PTPRD: variants seen among roughly 807,000 people sequenced by gnomAD.
PTPRD encodes the protein protein tyrosine phosphatase receptor type D, also known as receptor-type tyrosine-protein phosphatase delta.
In PTPRD, 34 loss-of-function variants were observed where a neutral mutation model predicts 214.5. That is an observed-to-expected ratio of 0.16 (90% CI 0.12 to 0.21). The LOEUF (loss-of-function observed/expected upper bound fraction) is 0.21, where lower values mean the gene tolerates loss of function less well. Among genes scored for constraint, PTPRD ranks in the 10% least tolerant of loss-of-function variants. The pLI is 1.00. For missense variants in PTPRD, 2,545 were observed against 2,398.7 expected, an observed-to-expected ratio of 1.06 and a Z score of -1.27; for synonymous variants, 1,128 against 845.7, an observed-to-expected ratio of 1.33 and a Z score of -5.79.
At chr9:9,258,300 A>G (rs1047649842) in intron 9 of PTPRD, among the ~76,000 whole-genome samples, 1 of 151,978 alleles carries the variant, frequency 6.6e-6, no homozygotes, top group Non-Finnish European at 1.5e-5. Context: ...AATACTATTA[A>G]ATTTGCAGTA....
chr9:9,765,904 C>T (rs1368443634), intron 6 of PTPRD, among the ~76,000 whole-genome samples: 4 of 152,102 alleles, frequency 2.6e-5, no homozygotes, highest in Non-Finnish European at 5.9e-5. Flanking sequence ...CCTCGTGATC[C>T]GCCCGCCTCA....
intron 4 of PTPRD, among the ~76,000 whole-genome samples, chr9:9,955,526 G>GTTTTTTTTTT (rs779657484): frequency 6.0e-5 from 8 of 134,020 alleles, no homozygotes; most frequent in Non-Finnish European, 1.2e-4. Context: ...GTTTTGTTTT[G>GTTTTTTTTTT]TTTTTTTTTT....
At chr9:10,375,929 G>T (rs1252750140) in intron 2 of PTPRD, among the ~76,000 whole-genome samples, 2 of 151,816 alleles carry the variant, frequency 1.3e-5, no homozygotes, top group Non-Finnish European at 1.5e-5. Flanking sequence ...CAAATCTGTT[G>T]CATATTAACT....
At chr9:8,670,226 T>C (rs1365897321) in intron 12 of PTPRD, among the ~76,000 whole-genome samples, 1 of 152,180 alleles carries the variant, frequency 6.6e-6, no homozygotes, top group Non-Finnish European at 1.5e-5. Flanking sequence ...CTTTAGGCAT[T>C]ATGTGGTACA....
chr9:8,434,573 GCTTA>G (rs1293361154), intron 35 of PTPRD, among the ~76,000 whole-genome samples: 4 of 152,202 alleles, frequency 2.6e-5, no homozygotes, highest in Admixed American at 1.3e-4. Context: ...TGAATTAACG[GCTTA>G]CTAACAGGTC....
intron 31 of PTPRD, among the ~76,000 whole-genome samples, chr9:8,468,358 A>G (rs2096584618): frequency 6.6e-6 from 1 of 152,000 alleles, no homozygotes; most frequent in Non-Finnish European, 1.5e-5. Flanking sequence ...CAATGCAGTG[A>G]AAAGCTCATG....
chr9:10,388,856 T>C (rs1022197727), intron 2 of PTPRD, among the ~76,000 whole-genome samples: 14 of 151,948 alleles, frequency 9.2e-5, no homozygotes, highest in African/African-American at 3.1e-4. Flanking sequence ...AGACTAGAAT[T>C]TAGTAAGCAT....
intron 8 of PTPRD, among the ~76,000 whole-genome samples, chr9:9,489,141 C>G (rs1034178224): frequency 2.0e-5 from 3 of 152,030 alleles, no homozygotes; most frequent in Non-Finnish European, 2.9e-5. Flanking sequence ...ATATGAGAAA[C>G]AGTAGGAAGT....
At chr9:8,426,268 A>AAAT (rs2094665975) in intron 35 of PTPRD, among the ~76,000 whole-genome samples, 1 of 152,206 alleles carries the variant, frequency 6.6e-6, no homozygotes, top group South Asian at 2.1e-4. Context: ...TCTGAGAGGT[A>AAAT]AAGCAACTGG....
chr9:9,251,566 C>T (rs115037581), intron 9 of PTPRD, among the ~76,000 whole-genome samples: 3,464 of 152,024 alleles, frequency 0.023, 144 homozygotes, highest in African/African-American at 0.08. Context: ...TACTTTCCTT[C>T]GGGCAAATAT....
chr9:10,258,923 T>C (rs2093487679), intron 3 of PTPRD, among the ~76,000 whole-genome samples: 1 of 152,248 alleles, frequency 6.6e-6, no homozygotes, highest in South Asian at 2.1e-4. Flanking sequence ...ATATGATAAA[T>C]TCAACTTTAA....
chr9:8,804,544 C>T (rs933791382), intron 11 of PTPRD, among the ~76,000 whole-genome samples: 5 of 152,164 alleles, frequency 3.3e-5, no homozygotes, highest in Admixed American at 2.6e-4. Context: ...CTGCAGCAAG[C>T]TGTGATCACG....
chr9:9,647,096 T>C (rs1379797402), intron 7 of PTPRD, among the ~76,000 whole-genome samples: 1 of 152,200 alleles, frequency 6.6e-6, no homozygotes, highest in Non-Finnish European at 1.5e-5. Context: ...GAATAAATTT[T>C]TCGGGTCTGT....
At chr9:8,332,611 C>G (rs979513680) in intron 43 of PTPRD, among the ~76,000 whole-genome samples, 1 of 151,634 alleles carries the variant, frequency 6.6e-6, no homozygotes, top group African/African-American at 2.4e-5. Flanking sequence ...CTCTGACTCA[C>G]GAAGTATATC....
chr9:10,573,269 A>C (rs2068068821), intron 2 of PTPRD, among the ~76,000 whole-genome samples: 1 of 152,224 alleles, frequency 6.6e-6, no homozygotes, highest in Admixed American at 6.5e-5. Flanking sequence ...TAAAAAACAC[A>C]CACGAATGTT....
At chr9:8,430,420 G>A (rs1053240676) in intron 35 of PTPRD, among the ~76,000 whole-genome samples, 13 of 149,000 alleles carry the variant, frequency 8.7e-5, no homozygotes, top group South Asian at 2.2e-4. Context: ...ACAGGTGCAT[G>A]CCACCACGAC....
intron 2 of PTPRD, among the ~76,000 whole-genome samples, chr9:10,376,300 G>GC (rs2154480386): frequency 6.6e-6 from 1 of 151,802 alleles, no homozygotes; most frequent in South Asian, 2.1e-4. Flanking sequence ...GAACAGTGCA[G>GC]CTACTGTGGA....
chr9:9,504,172 T>A (rs2096512339), intron 8 of PTPRD, among the ~76,000 whole-genome samples: 1 of 151,750 alleles, frequency 6.6e-6, no homozygotes, highest in Non-Finnish European at 1.5e-5. Context: ...GATTGTAGTC[T>A]AAGGCTTTTT....
chr9:9,198,688 T>C lies in PTPRD; in HGVS notation c.-202-15325A>G, dbSNP rs535512818. Among the ~76,000 whole-genome samples the C allele has an allele frequency of 1.2e-4, 18 of 152,306 alleles. 1 individual carries two copies. The highest frequency in any genetic ancestry group is 4.3e-4 in the African/African-American group (18 of 41,572). ...TTAGTTTTAAACTGGTCTGAAATTC[T>C]CACATGTTCTAAAATAAAAATGAAG... is the stretch of plus-strand genomic sequence containing the variant. On this transcript the variant is annotated intron_variant, in intron 9 of 45. Transcript: ENST00000381196.
Sources: gnomAD v4.1 joint callset for allele counts (sites outside exome capture counted in the v4.1 genomes callset) on GRCh38, gnomAD v4.1.1 for gene constraint, MANE v1.5 for transcripts, NCBI Gene and HGNC (gene_info 2026-07-23, HGNC 2026-07-21) for gene names.